The following CNTN5 variants were observed in gnomAD, a reference collection of about 807,000 sequenced individuals.
CNTN5 encodes contactin 5.
A neutral mutation model predicts 129.1 loss-of-function variants in CNTN5; 77 were observed. That is an observed-to-expected ratio of 0.60 (90% CI 0.50 to 0.72). The LOEUF is 0.72. Ranked by LOEUF, CNTN5 falls within the 30% of genes least tolerant of loss-of-function variation. The pLI is 0.00. For synonymous variants in CNTN5, 509 were observed against 465.6 expected (o/e 1.09, Z -1.20); for missense variants, 1,478 against 1,328.8 (o/e 1.11, Z -1.75).
chr11:99,181,489 A>G lies in CNTN5; in HGVS notation c.-209-143857A>G, dbSNP rs1453568161. On this transcript the variant is annotated intron_variant, in intron 1 of 24. Transcript: ENST00000524871. The stretch of plus-strand genomic sequence containing the variant: ...CAGGGATGATTCTCCAAGGTAGCCC[A>G]TTCCTGGGGGCCTCCCGCGGCAACT... Among the ~76,000 whole-genome samples, 19 of 152,284 alleles carry G rather than the reference A, an allele frequency of 1.2e-4. No individual in the cohort carries two copies. The South Asian group carries it at 2.7e-3, about 22-fold the overall frequency.
intron 1 of CNTN5, among the ~76,000 whole-genome samples, chr11:99,232,200 G>A (rs746843225): frequency 3.3e-5 from 5 of 151,962 alleles, no homozygotes; most frequent in East Asian, 1.9e-4. Context: ...GTCAATGGTC[G>A]TTTAATGGGA....
chr11:99,311,422 A>G (rs996847696), intron 1 of CNTN5, among the ~76,000 whole-genome samples: 8 of 152,094 alleles, frequency 5.3e-5, no homozygotes, highest in Admixed American at 4.6e-4. Flanking sequence ...AGTTGTGTTG[A>G]CCTTATCAAA....
intron 2 of CNTN5, among the ~76,000 whole-genome samples, chr11:99,326,159 A>G (rs183314747): frequency 2.4e-4 from 36 of 152,346 alleles, no homozygotes; most frequent in Admixed American, 6.5e-4. Flanking sequence ...GAAATACATC[A>G]ATGGACATTT....
intron 1 of CNTN5, among the ~76,000 whole-genome samples, chr11:99,032,394 G>C (rs1863440193): frequency 1.3e-5 from 2 of 150,370 alleles, no homozygotes; most frequent in Non-Finnish European, 1.5e-5. Context: ...CAGTGTAAAA[G>C]TGTTCCTATT....
intron 1 of CNTN5, among the ~76,000 whole-genome samples, chr11:99,268,225 A>G (rs1013518407): frequency 2.0e-4 from 31 of 152,136 alleles, no homozygotes; most frequent in African/African-American, 7.2e-4. Flanking sequence ...AAAAGTAGCT[A>G]TTAAAGAAAG....
chr11:99,881,716 T>G (rs953247042), intron 6 of CNTN5, among the ~76,000 whole-genome samples: 2 of 152,204 alleles, frequency 1.3e-5, no homozygotes, highest in Admixed American at 6.5e-5. Context: ...GCAATGATTT[T>G]TTACTGGTAC....
intron 1 of CNTN5, among the ~76,000 whole-genome samples, chr11:99,324,829 G>A (rs11219387): frequency 1.3e-5 from 2 of 152,250 alleles, no homozygotes; most frequent in East Asian, 3.9e-4. Context: ...TTTTAGTAGA[G>A]ACGGGGTTTC....
rs147574805 is a variant in CNTN5 at position 99,792,184 on chromosome 11, A to G, written c.56-27360A>G. Among the ~76,000 whole-genome samples, 186 of 152,174 alleles carry G rather than the reference A, an allele frequency of 1.2e-3. 1 individual carries two copies. Among genetic ancestry groups the G allele is most frequent in the African/African-American group, 4.2e-3 (173 of 41,518 alleles). ...TCACTCTTTCCTCGTTCCAGTTCTC[A>G]AGGGGCATGCTTTCAATGTTTGCCT... is the stretch of plus-strand genomic sequence containing the variant. On this transcript the variant is annotated intron_variant, in intron 3 of 24. Transcript: ENST00000524871.
At chr11:99,160,532 T>C (rs1591293725) in intron 1 of CNTN5, among the ~76,000 whole-genome samples, 2 of 152,288 alleles carry the variant, frequency 1.3e-5, no homozygotes, top group Middle Eastern at 3.4e-3. Context: ...TCTTAAATGA[T>C]ATATATTTTA....
At chr11:99,356,913 A>C (rs183326714) in intron 2 of CNTN5, among the ~76,000 whole-genome samples, 1 of 149,930 alleles carries the variant, frequency 6.7e-6, no homozygotes, top group Non-Finnish European at 1.5e-5. Context: ...TTGGAAGAAT[A>C]AAGATCTTTA....
intron 3 of CNTN5, among the ~76,000 whole-genome samples, chr11:99,682,087 C>T (rs956140387): frequency 6.6e-6 from 1 of 151,926 alleles, no homozygotes; most frequent in Non-Finnish European, 1.5e-5. Flanking sequence ...AACCAAGGAA[C>T]ATTATATACA....
At chr11:99,061,701 G>C (rs1345231489) in intron 1 of CNTN5, among the ~76,000 whole-genome samples, 1 of 152,052 alleles carries the variant, frequency 6.6e-6, no homozygotes, top group Non-Finnish European at 1.5e-5. Context: ...CAATCTCTGT[G>C]AACTTGCGGT....
At chr11:99,022,359 T>C (rs1389873272) in intron 1 of CNTN5, among the ~76,000 whole-genome samples, 1 of 152,146 alleles carries the variant, frequency 6.6e-6, no homozygotes, top group African/African-American at 2.4e-5. Flanking sequence ...CTTATGACCA[T>C]TACAGGGAGC....
intron 3 of CNTN5, among the ~76,000 whole-genome samples, chr11:99,591,337 C>CCCT (rs1555040240): frequency 8.8e-6 from 1 of 113,100 alleles, no homozygotes; most frequent in Non-Finnish European, 1.7e-5. Flanking sequence ...TCAACAAAAC[C>CCCT]TTTTTTTTTT....
At chr11:99,125,119 G>T (rs555117885) in intron 1 of CNTN5, among the ~76,000 whole-genome samples, 1 of 151,998 alleles carries the variant, frequency 6.6e-6, no homozygotes. Flanking sequence ...ATTCTGTGTG[G>T]CCAACATTAT....
At chr11:99,208,776 G>A (rs184631952) in intron 1 of CNTN5, among the ~76,000 whole-genome samples, 1 of 152,066 alleles carries the variant, frequency 6.6e-6, no homozygotes, top group Admixed American at 6.6e-5. Context: ...AACTAAGTAG[G>A]CAGCTTTTAA....
intron 9 of CNTN5, among the ~76,000 whole-genome samples, chr11:100,006,429 T>C (rs1056882512): frequency 6.6e-6 from 1 of 152,182 alleles, no homozygotes; most frequent in East Asian, 1.9e-4. Context: ...CTGCCACCAC[T>C]TTGTCAACCA....
rs540287549 is a variant in CNTN5 at position 99,818,006 on chromosome 11, T to C, written c.56-1538T>C. On this transcript the variant is annotated intron_variant, in intron 3 of 24. Transcript: ENST00000524871. ...ATCTAAAAATATACTTTTTAGAGTT[T>C]CAGAGAAATCATATTTACAGCTTCA... Among the ~76,000 whole-genome samples, 12 of 152,298 alleles carry C rather than the reference T, an allele frequency of 7.9e-5. No homozygotes were observed. The East Asian group carries it at 2.3e-3, about 29-fold the overall frequency.
chr11:99,818,121 A>G (rs1367183022), intron 3 of CNTN5, among the ~76,000 whole-genome samples: 2 of 152,240 alleles, frequency 1.3e-5, no homozygotes, highest in Admixed American at 1.3e-4. Context: ...ATTCTAAAAT[A>G]TCTCTGTAAG....
Sources: gnomAD v4.1 joint callset for allele counts (sites outside exome capture counted in the v4.1 genomes callset) on GRCh38, gnomAD v4.1.1 for gene constraint, MANE v1.5 for transcripts, NCBI Gene and HGNC (gene_info 2026-07-23, HGNC 2026-07-21) for gene names.